Variants in MCC observed in about 807,000 individuals in gnomAD.
MCC encodes colorectal mutant cancer protein.
In MCC, 90 loss-of-function variants were observed where a neutral mutation model predicts 116.2. The ratio of observed to expected loss-of-function variants is 0.77; its 90% CI spans 0.65 to 0.92. The LOEUF (loss-of-function observed/expected upper bound fraction) is 0.92. MCC is among the 40% of genes least tolerant of loss of function. The pLI is 0.00. For synonymous variants in MCC, 578 were observed against 510.5 expected (o/e 1.13, Z -1.78); for missense variants, 1,516 against 1,312.2 (o/e 1.16, Z -2.40).
intron 5 of MCC, among the ~76,000 whole-genome samples, chr5:113,136,405 T>C (rs138981360): frequency 6.6e-6 from 1 of 152,340 alleles, no homozygotes; most frequent in African/African-American, 2.4e-5. Flanking sequence ...CATCTTCTGA[T>C]AAGATTCATA....
intron 8 of MCC, among the ~76,000 whole-genome samples, chr5:113,087,023 G>C (rs1316330241): frequency 2.6e-5 from 4 of 152,178 alleles, no homozygotes; most frequent in African/African-American, 9.7e-5. Context: ...AGGCCACAAA[G>C]CACTTTAATC....
chr5:113,180,363 A>G (rs559598100), intron 3 of MCC, among the ~76,000 whole-genome samples: 14 of 152,312 alleles, frequency 9.2e-5, no homozygotes, highest in African/African-American at 2.6e-4. Flanking sequence ...CAAATATGGC[A>G]TGACTCAGAT....
rs759864764 is a variant in MCC, at chr5:113,488,278, G to C, written c.137C>G (p.Thr46Arg). ...GTATCCGTCCCCGTCGCCGTCGCACGTCTGGAAGAGGCGCCGCATCCTCTC... is the reference window on the plus strand; with the variant it reads ...GTATCCGTCCCCGTCGCCGTCGCACCTCTGGAAGAGGCGCCGCATCCTCTC... ...EEERMRRLFQ[T>R]CDGDGDGYIS... Residue 46 changes from threonine (T) to arginine (R), a missense_variant, in exon 1 of 19, where the codon ACG becomes AGG. Coordinates refer to ENST00000408903, the MANE Select transcript of MCC (RefSeq NM_001085377.2). 6.3e-7 allele frequency: 1 copy of C among 1,595,172 alleles called. No homozygotes were observed. Among genetic ancestry groups the C allele is most frequent in the Non-Finnish European group, 8.5e-7 (1 of 1,171,842 alleles).
At chr5:113,368,324 C>T (rs984963862) in intron 2 of MCC, among the ~76,000 whole-genome samples, 4 of 152,160 alleles carry the variant, frequency 2.6e-5, no homozygotes, top group African/African-American at 9.7e-5. Context: ...ATCTTTTATG[C>T]TAGGATACTT....
intron 11 of MCC, among the ~76,000 whole-genome samples, chr5:113,076,072 A>ATT (rs796287470): frequency 2.0e-5 from 3 of 152,276 alleles, no homozygotes; most frequent in African/African-American, 7.2e-5. Flanking sequence ...CATCTTTAAG[A>ATT]ACTGTAACAC....
intron 12 of MCC, among the ~76,000 whole-genome samples, chr5:113,070,068 T>C (rs1376597915): frequency 6.6e-6 from 1 of 152,196 alleles, no homozygotes; most frequent in African/African-American, 2.4e-5. Flanking sequence ...AGGCAGATTG[T>C]GGGTGGACAG....
chr5:113,147,869 C>T (rs1759617846), intron 4 of MCC, among the ~76,000 whole-genome samples: 1 of 152,090 alleles, frequency 6.6e-6, no homozygotes, highest in South Asian at 2.1e-4. Context: ...TCTCAGAAAA[C>T]AAGAGAAAAA....
chr5:113,183,523 C>T (rs1761732442), intron 3 of MCC, among the ~76,000 whole-genome samples: 1 of 152,002 alleles, frequency 6.6e-6, no homozygotes, highest in Non-Finnish European at 1.5e-5. Context: ...CCCCAAACAT[C>T]CCCCTCCCAA....
chr5:113,128,444 G>T (rs965102554), intron 5 of MCC, among the ~76,000 whole-genome samples: 4 of 152,164 alleles, frequency 2.6e-5, no homozygotes, highest in African/African-American at 9.7e-5. Context: ...GCTATTGGAA[G>T]GAAATGTATT....
At chr5:113,370,145 A>C (rs1768802017) in intron 2 of MCC, among the ~76,000 whole-genome samples, 1 of 152,194 alleles carries the variant, frequency 6.6e-6, no homozygotes, top group Non-Finnish European at 1.5e-5. Flanking sequence ...CTTATTCTAC[A>C]CAGTTGGCAA....
intron 1 of MCC, among the ~76,000 whole-genome samples, chr5:113,452,800 T>G (rs968221971): frequency 2.0e-5 from 3 of 152,244 alleles, no homozygotes; most frequent in African/African-American, 7.2e-5. Flanking sequence ...TGCAGGTGCA[T>G]GCACAGGTGC....
At chr5:113,433,265 GC>G in intron 1 of MCC, 1 of 196,658 alleles carries the variant, frequency 5.1e-6, no homozygotes, top group South Asian at 7.9e-5. Flanking sequence ...TCCCCGTCCA[GC>G]CCCACCCAAC....
At chr5:113,181,604 G>A (rs765373055) in intron 3 of MCC, among the ~76,000 whole-genome samples, 13 of 152,176 alleles carry the variant, frequency 8.5e-5, no homozygotes, top group Non-Finnish European at 1.9e-4. Context: ...ATCTGACTCT[G>A]CTTCTCTGGG....
intron 1 of MCC, among the ~76,000 whole-genome samples, chr5:113,473,453 G>A (rs1772148839): frequency 2.6e-5 from 4 of 152,164 alleles, no homozygotes; most frequent in African/African-American, 9.7e-5. Flanking sequence ...GAGCCCAGGA[G>A]TGTGAGGCTG....
At chr5:113,277,283 G>A (rs956532166) in intron 3 of MCC, among the ~76,000 whole-genome samples, 8 of 151,500 alleles carry the variant, frequency 5.3e-5, no homozygotes, top group African/African-American at 1.7e-4. Context: ...CAGCAGAATC[G>A]CTTGAACCCA....
intron 1 of MCC, among the ~76,000 whole-genome samples, chr5:113,410,941 C>T (rs758304580): frequency 6.6e-6 from 1 of 152,106 alleles, no homozygotes; most frequent in Non-Finnish European, 1.5e-5. Flanking sequence ...TGAACTCATC[C>T]TTTTTTATGG....
chr5:113,441,466 C>A (rs1006236603), intron 1 of MCC, among the ~76,000 whole-genome samples: 3 of 152,034 alleles, frequency 2.0e-5, no homozygotes, highest in Admixed American at 1.3e-4. Context: ...TTCTAAGGGC[C>A]GCATGTGGTC....
At chr5:113,322,667 T>TA (rs2150371729) in intron 3 of MCC, among the ~76,000 whole-genome samples, 2 of 152,332 alleles carry the variant, frequency 1.3e-5, no homozygotes, top group South Asian at 4.1e-4. Flanking sequence ...TATCAAAAGA[T>TA]AAGAGTTTCC....
At chr5:113,193,752 C>T (rs1477371365) in intron 3 of MCC, among the ~76,000 whole-genome samples, 1 of 152,222 alleles carries the variant, frequency 6.6e-6, no homozygotes, top group East Asian at 1.9e-4. Flanking sequence ...TTCATTCACA[C>T]ACTGCACTTC....
Sources: gnomAD v4.1 joint callset for allele counts (sites outside exome capture counted in the v4.1 genomes callset) on GRCh38, gnomAD v4.1.1 for gene constraint, MANE v1.5 for transcripts, NCBI Gene and HGNC (gene_info 2026-07-23, HGNC 2026-07-21) for gene names.